GPATCH8: variants seen among roughly 807,000 people sequenced by gnomAD.
GPATCH8 encodes the protein G patch domain-containing protein 8.
In GPATCH8, 18 loss-of-function variants were observed where a neutral mutation model predicts 118.3. That is an observed-to-expected ratio of 0.15 (90% CI 0.11 to 0.23). The LOEUF (loss-of-function observed/expected upper bound fraction) is 0.23. Among genes scored for constraint, GPATCH8 ranks in the 10% least tolerant of loss-of-function variants. GPATCH8 has a pLI of 1.00. For missense variants in GPATCH8, 1,631 were observed against 1,873.8 expected (o/e 0.87, Z 2.39); for synonymous variants, 659 against 684.7 (o/e 0.96, Z 0.59).
Position 44,396,542 on chromosome 17 carries a change from A to C in GPATCH8, c.*1026T>G. The C allele has an allele frequency of 2.3e-6, 1 of 442,852 alleles. No individual in the cohort carries two copies. The allele number at this position is 442,852 out of a possible 1,614,324, so 27.4% of individuals were successfully genotyped here. On this transcript the variant is annotated 3_prime_UTR_variant, in exon 8 of 8. Transcript: ENST00000591680. The stretch of plus-strand genomic sequence containing the variant: ...TTTGGTAAAATATACATGCTTAGTC[A>C]GTTTTGCATCTAGCAGAAAACAAAT...
At chr17:44,450,975 C>T (rs1013540186) in intron 3 of GPATCH8, among the ~76,000 whole-genome samples, 2 of 152,136 alleles carry the variant, frequency 1.3e-5, no homozygotes, top group African/African-American at 4.8e-5. Flanking sequence ...TTCCACTGTA[C>T]CTTTAACTTC....
rs1248849717 is a variant in GPATCH8 at position 44,398,297 on chromosome 17, ACTG to A, written c.3777_3779del (p.Ser1260del). On this transcript the variant is annotated inframe_deletion, in exon 8 of 8. Coordinates refer to ENST00000591680, the MANE Select transcript of GPATCH8 (RefSeq NM_001002909.4). ...AGCTGGACTCCACAGGGCCTGGCTG[ACTG>A]CTGCTATCCAGGGACTCCAGGGTGT... 3.7e-6 allele frequency: 6 copies of A among 1,613,746 alleles called. No homozygotes were observed. The Admixed American group carries it at 1.0e-4, about 27-fold the overall frequency.
intron 6 of GPATCH8, among the ~76,000 whole-genome samples, chr17:44,418,402 T>C (rs2049767550): frequency 6.6e-6 from 1 of 152,036 alleles, no homozygotes; most frequent in Admixed American, 6.6e-5. Context: ...AGTATCAAAT[T>C]TGTCTGTAAC....
chr17:44,462,782 A>G (rs2051607018), intron 3 of GPATCH8, among the ~76,000 whole-genome samples: 1 of 152,024 alleles, frequency 6.6e-6, no homozygotes, highest in Non-Finnish European at 1.5e-5. Flanking sequence ...GGAGATCGAG[A>G]CCATCCTGGC....
At chr17:44,407,845 C>T (rs757866562) in intron 6 of GPATCH8, among the ~76,000 whole-genome samples, 10 of 151,812 alleles carry the variant, frequency 6.6e-5, no homozygotes, top group African/African-American at 1.2e-4. Context: ...TTAGTAGAGA[C>T]GAGGTTTCAC....
At position 44,399,319 on chromosome 17, in the gene GPATCH8, T is replaced by C. The variant is rs1056597593; in HGVS notation, c.2758A>G (p.Lys920Glu). Reference sequence around the variant, plus strand: ...TATTTGTGCCGTTTTGATCGGTGTTTGGAGCTGGCATAGTCTGAGTCATCT... The same window carrying C: ...TATTTGTGCCGTTTTGATCGGTGTTCGGAGCTGGCATAGTCTGAGTCATCT... ...DSDDSDYASS[K>E]HRSKRHKYSS... Residue 920 changes from lysine (K) to glutamate (E), a missense_variant, in exon 8 of 8, where the codon AAA becomes GAA. This residue lies in a region of GPATCH8 where 922 missense variants were observed against 879.7 expected (regional missense o/e 1.05). Coordinates refer to ENST00000591680, the MANE Select transcript of GPATCH8 (RefSeq NM_001002909.4). 2.2e-5 allele frequency: 35 copies of C among 1,613,974 alleles called. No individual in the cohort carries two copies. Among genetic ancestry groups the C allele is most frequent in the Non-Finnish European group, 2.9e-5 (34 of 1,179,934 alleles).
intron 2 of GPATCH8, among the ~76,000 whole-genome samples, chr17:44,472,510 A>G (rs953688741): frequency 2.0e-5 from 3 of 152,188 alleles, no homozygotes; most frequent in Non-Finnish European, 4.4e-5. Context: ...TTTGTTAAGT[A>G]TCGTAATAAT....
At chr17:44,457,800 C>T (rs1016748669) in intron 3 of GPATCH8, among the ~76,000 whole-genome samples, 3 of 151,704 alleles carry the variant, frequency 2.0e-5, no homozygotes, top group African/African-American at 7.3e-5. Context: ...GTCAGGCGTT[C>T]GCCGGGCGCA....
intron 6 of GPATCH8, among the ~76,000 whole-genome samples, chr17:44,417,470 G>A (rs1020774511): frequency 2.0e-5 from 3 of 152,100 alleles, no homozygotes; most frequent in African/African-American, 7.2e-5. Flanking sequence ...CTGCCCGCCT[G>A]AGTCTCCTAA....
Position 44,396,662 on chromosome 17 carries a change from TAA to T in GPATCH8, c.*904_*905del, listed in dbSNP as rs2048790171. The T allele has an allele frequency of 2.2e-6, 1 of 446,468 alleles. No individual in the cohort carries two copies. The highest frequency in any genetic ancestry group is 2.0e-5 in the African/African-American group (1 of 49,324). The allele number at this position is 446,468 out of a possible 1,614,324, so 27.7% of individuals were successfully genotyped here. On this transcript the variant is annotated 3_prime_UTR_variant, in exon 8 of 8. Coordinates refer to ENST00000591680, the MANE Select transcript of GPATCH8 (RefSeq NM_001002909.4). ...CAAAGCCACCAGAACGAGGATCACT[TAA>T]AGAGCTGGATGTAAAAAATATTATT...
chr17:44,474,808 A>ACC (rs1212195891), intron 2 of GPATCH8, 21 bp downstream of exon 2: 1 of 1,348,456 alleles, frequency 7.4e-7, no homozygotes, highest in Non-Finnish European at 1.1e-6. Flanking sequence ...AAGACCCGAA[A>ACC]TTAAGCACTG....
chr17:44,488,886 T>C (rs1445469558), intron 1 of GPATCH8, among the ~76,000 whole-genome samples: 1 of 150,896 alleles, frequency 6.6e-6, no homozygotes, highest in African/African-American at 2.4e-5. Flanking sequence ...CAGGAGTTCA[T>C]GACCAGCCTG....
rs753685461 is a variant in GPATCH8, at chr17:44,399,090, G to A, written c.2987C>T (p.Thr996Ile). ...GCCTGATCTCTGGGAAGGGCTCCTG[G>A]TGCTGCGGCTGCGGTCCCGGCTATA... ...RSYSRDRSRS[T>I]RSPSQRSGSR... Residue 996 changes from threonine (T) to isoleucine (I), a missense_variant, in exon 8 of 8, where the codon ACC becomes ATC. This residue lies in a region of GPATCH8 where 922 missense variants were observed against 879.7 expected (regional missense o/e 1.05). Coordinates refer to ENST00000591680, the MANE Select transcript of GPATCH8 (RefSeq NM_001002909.4). 8 of 1,613,886 alleles carry A rather than the reference G, an allele frequency of 5.0e-6. No homozygotes were observed. Among genetic ancestry groups the A allele is most frequent in the South Asian group, 1.1e-5 (1 of 91,080 alleles).
intron 6 of GPATCH8, among the ~76,000 whole-genome samples, chr17:44,417,222 A>C (rs1481890651): frequency 6.6e-6 from 1 of 152,194 alleles, no homozygotes; most frequent in Non-Finnish European, 1.5e-5. Flanking sequence ...AGTAAGAGTA[A>C]GTAATCTTGT....
chr17:44,489,060 A>C (rs1353046667), intron 1 of GPATCH8, among the ~76,000 whole-genome samples: 1 of 151,636 alleles, frequency 6.6e-6, no homozygotes, highest in East Asian at 1.9e-4. Flanking sequence ...CTCCCATCTC[A>C]AAAAAAACAA....
rs143245027 is a variant in GPATCH8 at position 44,467,812 on chromosome 17, C to T, written c.121-3268G>A. ...AAAAATCCAATAGGCTTAAGGATGA[C>T]GGCTAACACAAGGAGGCACACCAAA... On this transcript the variant is annotated intron_variant, in intron 2 of 7. Coordinates refer to ENST00000591680, the MANE Select transcript of GPATCH8 (RefSeq NM_001002909.4). Among the ~76,000 whole-genome samples the T allele has an allele frequency of 3.6e-3, 544 of 152,194 alleles. 1 individual carries two copies. Among genetic ancestry groups the T allele is most frequent in the Non-Finnish European group, 4.9e-3 (332 of 68,010 alleles).
At chr17:44,470,446 G>A (rs1305772352) in intron 2 of GPATCH8, among the ~76,000 whole-genome samples, 1 of 149,764 alleles carries the variant, frequency 6.7e-6, no homozygotes, top group Non-Finnish European at 1.5e-5. Flanking sequence ...CACCCACCTC[G>A]GCCTCCCAAA....
At chr17:44,487,650 C>T (rs184348580) in intron 1 of GPATCH8, among the ~76,000 whole-genome samples, 1 of 152,298 alleles carries the variant, frequency 6.6e-6, no homozygotes, top group African/African-American at 2.4e-5. Flanking sequence ...TTAATAAAGT[C>T]TAACTTACCA....
At chr17:44,428,757 C>T (rs2050182245) in intron 5 of GPATCH8, among the ~76,000 whole-genome samples, 1 of 151,400 alleles carries the variant, frequency 6.6e-6, no homozygotes, top group East Asian at 2.0e-4. Flanking sequence ...AAGCTGTGAT[C>T]ACTGCCACCG....
Sources: gnomAD v4.1 joint callset for allele counts (sites outside exome capture counted in the v4.1 genomes callset) on GRCh38, gnomAD v4.1.1 for gene constraint, gnomAD v4.1.1 regional missense constraint, MANE v1.5 for transcripts, NCBI Gene and HGNC (gene_info 2026-07-23, HGNC 2026-07-21) for gene names.